TIMM23B: variants seen among roughly 807,000 people sequenced by gnomAD.
TIMM23B encodes the protein translocase of inner mitochondrial membrane 23 homolog B.
Under a neutral mutation model 27.3 loss-of-function variants are expected in TIMM23B, and 27 were observed. The observed-to-expected ratio is 0.99, with a 90% confidence interval of 0.73 to 1.36. The LOEUF (loss-of-function observed/expected upper bound fraction) is 1.36, where lower values mean the gene tolerates loss of function less well. TIMM23B is among the 40% of genes most tolerant of loss of function. The probability of loss-of-function intolerance (pLI) is 0.00; values close to 1 mark genes in which losing one functional copy is unlikely to be tolerated. For missense variants in TIMM23B, 205 were observed against 244.2 expected (o/e 0.84, Z 1.07); for synonymous variants, 73 against 92.4 (o/e 0.79, Z 1.21).
chr10:49,967,624 T>C (rs1454898528), intron 6 of TIMM23B, among the ~76,000 whole-genome samples: 2 of 151,850 alleles, frequency 1.3e-5, no homozygotes, highest in Non-Finnish European at 2.9e-5. Flanking sequence ...GAGTATTCTT[T>C]TTTGCTTTTT....
intron 6 of TIMM23B, among the ~76,000 whole-genome samples, chr10:49,962,027 T>C (rs1212435148): frequency 2.7e-5 from 4 of 150,782 alleles, no homozygotes; most frequent in Admixed American, 2.6e-4. Flanking sequence ...TTGAGGGTCT[T>C]ATGAAAGTTT....
At chr10:49,942,434 G>C (rs1157777464) in intron 1 of TIMM23B, 134 bp downstream of exon 1, 7 of 1,490,428 alleles carry the variant, frequency 4.7e-6, no homozygotes, top group African/African-American at 2.8e-5. Context: ...CAGTGGTGGG[G>C]TTAGTGTATC....
chr10:49,971,441 AAAAC>A lies in TIMM23B; in HGVS notation c.515-1563_515-1560del, dbSNP rs1342921750. Among the ~76,000 whole-genome samples, 29 of 152,302 alleles carry A rather than the reference AAAAC, an allele frequency of 1.9e-4. No individual in the cohort carries two copies. In the East Asian group the frequency reaches 3.5e-3, roughly 18 times the overall value. ...CTTTGTAGCCAAATATAATTATTTT[AAAAC>A]AAACAAAAAAAGAGAATGTAAGCAG... On this transcript the variant is annotated intron_variant, in intron 6 of 6. Coordinates refer to ENST00000651259, the MANE Select transcript of TIMM23B (RefSeq NM_001290117.2).
In TIMM23B at chr10:49,958,275, T is replaced by C. The variant is rs1252005252; in HGVS notation, c.404-95T>C. The C allele has an allele frequency of 1.0e-4, 80 of 781,294 alleles. No individual in the cohort carries two copies. In the African/African-American group the frequency reaches 1.2e-3, roughly 12 times the overall value. 48.4% of individuals were successfully genotyped at this position (781,294 alleles called of 1,614,324 possible). ...CACTTAGGAAGGGCTATGGGAGTTA[T>C]GAGCTAGGAACCATGGATGAAAACC... On this transcript the variant is annotated intron_variant, in intron 5 of 6. Transcript: ENST00000651259.
Position 49,956,617 on chromosome 10 carries a change from C to T in TIMM23B, c.403+1557C>T, listed in dbSNP as rs1449938385. Among the ~76,000 whole-genome samples, 20 of 146,490 alleles carry T rather than the reference C, an allele frequency of 1.4e-4. 1 individual carries two copies. Among genetic ancestry groups the T allele is most frequent in the African/African-American group, 4.4e-4 (18 of 41,116 alleles). On this transcript the variant is annotated intron_variant, in intron 5 of 6. Coordinates refer to ENST00000651259, the MANE Select transcript of TIMM23B (RefSeq NM_001290117.2). Reference sequence around the variant, plus strand: ...TTCTTCCAGGCGTTTCTCTGCATAGCCAGTCAGTCGTGTATCATGTGCACA... The same window carrying T: ...TTCTTCCAGGCGTTTCTCTGCATAGTCAGTCAGTCGTGTATCATGTGCACA...
chr10:49,946,007 T>C (rs1839345576), intron 2 of TIMM23B, among the ~76,000 whole-genome samples: 1 of 152,256 alleles, frequency 6.6e-6, no homozygotes, highest in African/African-American at 2.4e-5. Flanking sequence ...CTGGCCAACA[T>C]AGCGAAACGC....
At chr10:49,971,353 T>C (rs1172673019) in intron 6 of TIMM23B, among the ~76,000 whole-genome samples, 2 of 148,884 alleles carry the variant, frequency 1.3e-5, no homozygotes, top group Non-Finnish European at 3.0e-5. Flanking sequence ...AAAAAAATAC[T>C]GCAAGAACAT....
intron 6 of TIMM23B, 138 bp downstream of exon 6, chr10:49,958,618 G>A (rs1386993337): frequency 3.6e-6 from 3 of 840,240 alleles, no homozygotes; most frequent in Non-Finnish European, 5.7e-6. Flanking sequence ...GTTTGGTTTG[G>A]TTTTTAATTG....
intron 6 of TIMM23B, among the ~76,000 whole-genome samples, chr10:49,959,351 T>C (rs1839823044): frequency 6.6e-6 from 1 of 152,200 alleles, no homozygotes. Context: ...AGGAATGACT[T>C]CCCTGTAAGT....
chr10:49,944,801 T>C (rs1464472369), intron 1 of TIMM23B, among the ~76,000 whole-genome samples: 1 of 152,214 alleles, frequency 6.6e-6, no homozygotes, highest in Non-Finnish European at 1.5e-5. Context: ...GCGATTATCT[T>C]ATTGGTGTAA....
intron 2 of TIMM23B, among the ~76,000 whole-genome samples, chr10:49,945,441 C>T (rs1166033360): frequency 1.3e-5 from 2 of 152,118 alleles, no homozygotes; most frequent in Non-Finnish European, 2.9e-5. Flanking sequence ...AGTGCAGTAG[C>T]GCGATCTCTG....
intron 6 of TIMM23B, among the ~76,000 whole-genome samples, chr10:49,959,078 A>G (rs1216216395): frequency 2.0e-5 from 3 of 152,220 alleles, no homozygotes; most frequent in African/African-American, 7.2e-5. Context: ...TGGATGTACA[A>G]ATATCTCTTC....
chr10:49,950,481 C>T, intron 2 of TIMM23B, among the ~76,000 whole-genome samples: 1 of 147,606 alleles, frequency 6.8e-6, no homozygotes, highest in Non-Finnish European at 1.5e-5. Context: ...TTGGTGCTAA[C>T]GTGCACTTTT....
intron 6 of TIMM23B, among the ~76,000 whole-genome samples, chr10:49,965,512 G>A (rs1343897973): frequency 6.3e-4 from 94 of 150,218 alleles, no homozygotes; most frequent in Non-Finnish European, 6.1e-4. Context: ...TCTCTGTCTC[G>A]AAATGAAATG....
At chr10:49,943,446 C>T (rs1332364792) in intron 1 of TIMM23B, 2 of 151,888 alleles carry the variant, frequency 1.3e-5, no homozygotes, top group Non-Finnish European at 2.9e-5. Context: ...CCAAGCTGGT[C>T]TCAAACTCTC....
chr10:49,969,126 G>A (rs1363276630), intron 6 of TIMM23B, among the ~76,000 whole-genome samples: 1 of 152,124 alleles, frequency 6.6e-6, no homozygotes, highest in Non-Finnish European at 1.5e-5. Flanking sequence ...GTTGAATGGT[G>A]TTTAGTGTGC....
At chr10:49,949,197 C>CTTTTTT (rs1318050672) in intron 2 of TIMM23B, among the ~76,000 whole-genome samples, 4 of 106,594 alleles carry the variant, frequency 3.8e-5, no homozygotes, top group African/African-American at 1.4e-4. Context: ...CATGCCTGGC[C>CTTTTTT]TTTTTTTTTT....
chr10:49,942,086 A>C lies in TIMM23B; in HGVS notation c.-109A>C. 7.5e-7 allele frequency: 1 copy of C among 1,341,184 alleles called. No homozygotes were observed. Among genetic ancestry groups the C allele is most frequent in the Non-Finnish European group, 1.0e-6 (1 of 991,432 alleles). 83.1% of individuals were successfully genotyped at this position (1,341,184 alleles called of 1,614,324 possible). On this transcript the variant is annotated 5_prime_UTR_variant, in exon 1 of 7. Transcript: ENST00000651259. ...CCGGCGCCCGGAATGTCAGCGTGTG[A>C]AGTAGGCGCTGGCAACGCGGGGTTA...
Position 49,942,299 on chromosome 10 carries a change from G to C in TIMM23B, c.105G>C (p.Pro35=). The C allele has an allele frequency of 6.2e-7, 1 of 1,608,890 alleles. No individual in the cohort carries two copies. ...GYSHADLAGV[P]LTGMNPLCPY... The stretch of plus-strand genomic sequence containing the variant: ...CGCACGCGGATTTGGCTGGCGTCCC[G>C]CGTAAGTATGGGGCCTAGCTTGCGA... The change falls in exon 1 of 7, where the codon CCG becomes CCC. Residue 35 remains proline (P), a splice_region_variant and synonymous_variant. Transcript: ENST00000651259.
Sources: gnomAD v4.1 joint callset for allele counts (sites outside exome capture counted in the v4.1 genomes callset) on GRCh38, gnomAD v4.1.1 for gene constraint, MANE v1.5 for transcripts, NCBI Gene and HGNC (gene_info 2026-07-23, HGNC 2026-07-21) for gene names.